The following ELP4 variants were observed in gnomAD, a reference collection of about 807,000 sequenced individuals.
The protein encoded by ELP4 is elongator complex protein 4.
A neutral mutation model predicts 48.9 loss-of-function variants in ELP4; 51 were observed. That is an observed-to-expected ratio of 1.04 (90% CI 0.83 to 1.32). The LOEUF (loss-of-function observed/expected upper bound fraction) is 1.32. Among genes scored for constraint, ELP4 ranks in the 40% most tolerant of loss-of-function variants. The pLI is 0.00. For synonymous variants in ELP4, 210 were observed against 189.2 expected (o/e 1.11, Z -0.90); for missense variants, 519 against 514.6 (o/e 1.01, Z -0.08).
At chr11:31,619,522 C>A (rs760411504) in intron 5 of ELP4, among the ~76,000 whole-genome samples, 2 of 151,930 alleles carry the variant, frequency 1.3e-5, no homozygotes, top group Non-Finnish European at 2.9e-5. Flanking sequence ...AGATAGGTGT[C>A]TTCTCTGTGT....
chr11:31,748,196 T>C (rs533435588), intron 9 of ELP4, among the ~76,000 whole-genome samples: 3 of 151,954 alleles, frequency 2.0e-5, no homozygotes, highest in African/African-American at 4.8e-5. Context: ...TAAGTCTTCC[T>C]CTTATACATT....
intron 2 of ELP4, among the ~76,000 whole-genome samples, chr11:31,534,024 A>G (rs1956455563): frequency 6.6e-6 from 1 of 151,122 alleles, no homozygotes; most frequent in Non-Finnish European, 1.5e-5. Context: ...TTTTTACTAG[A>G]GACGGGTTTC....
intron 3 of ELP4, among the ~76,000 whole-genome samples, chr11:31,546,280 A>G (rs1393522381): frequency 1.3e-5 from 2 of 152,048 alleles, no homozygotes; most frequent in African/African-American, 2.4e-5. Context: ...AAATAAAAGG[A>G]TGGAGGAAGA....
rs952202859 is a variant in ELP4 at position 31,787,166 on chromosome 11, C to T, written c.*3642C>T. On this transcript the variant is annotated 3_prime_UTR_variant, in exon 10 of 10. Transcript: ENST00000640961. ...ACAGCTCATGTCCCTAGGGTGTGGG[C>T]AGAAGGCAAGGCAGCCGTTCCCATC... 8.6e-6 allele frequency: 2 copies of T among 232,610 alleles called. No homozygotes were observed. The highest frequency in any genetic ancestry group is 8.5e-6 in the Non-Finnish European group (1 of 117,740). 14.4% of individuals were successfully genotyped at this position (232,610 alleles called of 1,614,324 possible).
chr11:31,584,675 C>A (rs1257607776), intron 3 of ELP4, among the ~76,000 whole-genome samples: 1 of 151,896 alleles, frequency 6.6e-6, no homozygotes, highest in African/African-American at 2.4e-5. Flanking sequence ...TTACACGCAC[C>A]CGCCATTTTT....
At chr11:31,658,925 T>G (rs1006616864) in intron 9 of ELP4, among the ~76,000 whole-genome samples, 2 of 152,100 alleles carry the variant, frequency 1.3e-5, no homozygotes, top group Non-Finnish European at 2.9e-5. Context: ...CTTGATTTGC[T>G]GGAAGTTCTT....
chr11:31,789,332 T>A lies in ELP4; in HGVS notation c.*5808T>A. On this transcript the variant is annotated 3_prime_UTR_variant, in exon 10 of 10. Transcript: ENST00000640961. Reference sequence around the variant, plus strand: ...ACCTTTTAGCTATCAACTTTTTTTCTTCCTTGAATTTATATCTTACCCTTT... The same window carrying A: ...ACCTTTTAGCTATCAACTTTTTTTCATCCTTGAATTTATATCTTACCCTTT... 4.0e-6 allele frequency: 1 copy of A among 252,006 alleles called. No individual in the cohort carries two copies. Among genetic ancestry groups the A allele is most frequent in the Non-Finnish European group, 7.6e-6 (1 of 131,828 alleles). 15.6% of individuals were successfully genotyped at this position (252,006 alleles called of 1,614,324 possible).
chr11:31,528,725 G>A (rs543264620), intron 2 of ELP4, among the ~76,000 whole-genome samples: 1 of 152,068 alleles, frequency 6.6e-6, no homozygotes, highest in African/African-American at 2.4e-5. Context: ...ATTAAGTGAA[G>A]TTAGAAAAGG....
intron 9 of ELP4, among the ~76,000 whole-genome samples, chr11:31,719,142 T>C (rs1012152097): frequency 1.3e-5 from 2 of 151,882 alleles, no homozygotes; most frequent in Admixed American, 1.3e-4. Flanking sequence ...GCCTGTGGTC[T>C]CAGCTACTCT....
Position 31,725,236 on chromosome 11 carries a change from G to T in ELP4, c.1144-58157G>T, listed in dbSNP as rs552763063. Among the ~76,000 whole-genome samples the T allele has an allele frequency of 9.6e-4, 146 of 152,248 alleles. 2 individuals are homozygous for T. The highest frequency in any genetic ancestry group is 3.3e-3 in the African/African-American group (139 of 41,524). On this transcript the variant is annotated intron_variant, in intron 9 of 9. Transcript: ENST00000640961. ...CCACATCATACTTTCTGATGTCAGG[G>T]TACAGCAATTGTTACATCTCCTCTC...
At chr11:31,645,272 T>C (rs959968990) in intron 7 of ELP4, among the ~76,000 whole-genome samples, 1 of 151,798 alleles carries the variant, frequency 6.6e-6, no homozygotes, top group Non-Finnish European at 1.5e-5. Context: ...TAGAATTCAC[T>C]AGTTTTCCCT....
At chr11:31,674,933 T>C (rs1313482761) in intron 9 of ELP4, among the ~76,000 whole-genome samples, 1 of 152,150 alleles carries the variant, frequency 6.6e-6, no homozygotes, top group African/African-American at 2.4e-5. Flanking sequence ...AGGTTTCTAG[T>C]ACCTAGTTAA....
At chr11:31,615,350 G>T (rs1004679764) in intron 5 of ELP4, among the ~76,000 whole-genome samples, 7 of 151,950 alleles carry the variant, frequency 4.6e-5, no homozygotes, top group South Asian at 2.1e-4. Context: ...ATACAGAAAT[G>T]ACCAATAAAT....
intron 3 of ELP4, among the ~76,000 whole-genome samples, chr11:31,545,074 G>A (rs571278588): frequency 9.2e-4 from 140 of 152,250 alleles, no homozygotes; most frequent in Middle Eastern, 3.4e-3. Context: ...AGAAAAAGCA[G>A]AGCACCTCTC....
intron 9 of ELP4, among the ~76,000 whole-genome samples, chr11:31,744,644 G>T (rs1947537676): frequency 6.6e-6 from 1 of 152,160 alleles, no homozygotes; most frequent in South Asian, 2.1e-4. Flanking sequence ...AAAACCACAT[G>T]ATTATCTCAA....
chr11:31,635,732 G>A (rs962642794), intron 7 of ELP4, among the ~76,000 whole-genome samples: 8 of 151,962 alleles, frequency 5.3e-5, no homozygotes, highest in African/African-American at 1.9e-4. Context: ...TTCAATATAT[G>A]TTAGCAGTTG....
intron 5 of ELP4, among the ~76,000 whole-genome samples, chr11:31,608,291 C>G (rs1957911365): frequency 6.6e-6 from 1 of 151,856 alleles, no homozygotes; most frequent in South Asian, 2.1e-4. Flanking sequence ...ATAGGGAGGA[C>G]AGCCTGATTG....
At chr11:31,691,023 A>G (rs1388237926) in intron 9 of ELP4, among the ~76,000 whole-genome samples, 1 of 152,092 alleles carries the variant, frequency 6.6e-6, no homozygotes, top group African/African-American at 2.4e-5. Flanking sequence ...AAGGCAAGTT[A>G]GTACAGATAA....
intron 7 of ELP4, among the ~76,000 whole-genome samples, chr11:31,644,717 A>G (rs1945167501): frequency 6.6e-6 from 1 of 151,786 alleles, no homozygotes; most frequent in African/African-American, 2.4e-5. Flanking sequence ...CTTTTTGACA[A>G]GAATGATTTT....
Sources: allele counts gnomAD v4.1 joint callset (sites outside exome capture counted in the v4.1 genomes callset), GRCh38; gene constraint gnomAD v4.1.1; transcripts MANE v1.5; gene names NCBI Gene and HGNC (gene_info 2026-07-23, HGNC 2026-07-21).